MALRD1: variants seen among roughly 807,000 people sequenced by gnomAD.
MALRD1 encodes the protein MAM and LDL receptor class A domain containing 1, also known as MAM and LDL-receptor class A domain-containing protein 1.
In MALRD1, 247 loss-of-function variants were observed where a neutral mutation model predicts 242.1. That is an observed-to-expected ratio of 1.02 (90% CI 0.92 to 1.13). The LOEUF (loss-of-function observed/expected upper bound fraction) is 1.13. Among genes scored for constraint, MALRD1 ranks in the 50% most tolerant of loss-of-function variants. The pLI is 0.00. For synonymous variants in MALRD1, 995 were observed against 866.6 expected, an observed-to-expected ratio of 1.15 and a Z score of -2.60; for missense variants, 2,989 against 2,533.1, an observed-to-expected ratio of 1.18 and a Z score of -3.86.
intron 38 of MALRD1, among the ~76,000 whole-genome samples, chr10:19,695,854 A>G (rs921915724): frequency 6.6e-6 from 1 of 152,064 alleles, no homozygotes; most frequent in Non-Finnish European, 1.5e-5. Flanking sequence ...GCAGCAGGCA[A>G]GAGAGCTTGT....
chr10:19,380,277 C>CTTTT (rs11449066), intron 26 of MALRD1, among the ~76,000 whole-genome samples: 5 of 140,680 alleles, frequency 3.6e-5, no homozygotes, highest in African/African-American at 1.3e-4. Context: ...GGCCAGCCTT[C>CTTTT]TTTTTTTTTT....
intron 36 of MALRD1, among the ~76,000 whole-genome samples, chr10:19,621,351 T>TTAA (rs374026508): frequency 3.3e-5 from 4 of 121,874 alleles, no homozygotes; most frequent in Admixed American, 8.5e-5. Context: ...TAAAAATATG[T>TTAA]AAAAAAAAAA....
intron 7 of MALRD1, among the ~76,000 whole-genome samples, chr10:19,126,908 C>G (rs1837301583): frequency 6.6e-6 from 1 of 152,048 alleles, no homozygotes; most frequent in African/African-American, 2.4e-5. Context: ...AATGATCTCC[C>G]TCCCCTCACC....
At chr10:19,063,145 C>T (rs936058827) in intron 1 of MALRD1, among the ~76,000 whole-genome samples, 1 of 151,536 alleles carries the variant, frequency 6.6e-6, no homozygotes, top group Non-Finnish European at 1.5e-5. Context: ...GACCCTGTCC[C>T]CCCCCCAAAA....
chr10:19,622,667 A>T (rs187244266), intron 36 of MALRD1, among the ~76,000 whole-genome samples: 4 of 150,732 alleles, frequency 2.7e-5, no homozygotes, highest in Non-Finnish European at 1.5e-5. Context: ...AAAACAAACT[A>T]TGAGAATCTG....
rs533743965 is a variant in MALRD1 at position 19,217,787 on chromosome 10, G to A, written c.2991+8107G>A. Among the ~76,000 whole-genome samples the A allele has an allele frequency of 2.7e-3, 417 of 152,118 alleles. 3 individuals carry two copies. The highest frequency in any genetic ancestry group is 9.6e-3 in the African/African-American group (400 of 41,546). On this transcript the variant is annotated intron_variant, in intron 18 of 39. Coordinates refer to ENST00000454679, the MANE Select transcript of MALRD1 (RefSeq NM_001142308.3). Reference sequence around the variant, plus strand: ...GATCTGCCCACGTTGGCCTCCCAAAGTGCTGGGATTACAGGCATGAGCCAC... The same window carrying A: ...GATCTGCCCACGTTGGCCTCCCAAAATGCTGGGATTACAGGCATGAGCCAC...
intron 36 of MALRD1, among the ~76,000 whole-genome samples, chr10:19,687,977 TGTTA>T (rs1381932813): frequency 3.7e-5 from 5 of 135,218 alleles, no homozygotes; most frequent in Admixed American, 7.6e-5. Context: ...TGTTATGTTA[TGTTA>T]TTTTTGGAGA....
chr10:19,301,786 A>G (rs549921730), intron 21 of MALRD1, among the ~76,000 whole-genome samples: 107 of 151,910 alleles, frequency 7.0e-4, no homozygotes, highest in South Asian at 4.1e-3. Context: ...TGATGACAAA[A>G]TAATTTGTAC....
At chr10:19,589,009 C>T (rs1837607860) in intron 33 of MALRD1, among the ~76,000 whole-genome samples, 1 of 152,180 alleles carries the variant, frequency 6.6e-6, no homozygotes, top group African/African-American at 2.4e-5. Context: ...GTGCTTGTCA[C>T]ATTACTTGCA....
At chr10:19,695,358 T>A (rs886429387) in intron 38 of MALRD1, among the ~76,000 whole-genome samples, 3 of 152,138 alleles carry the variant, frequency 2.0e-5, no homozygotes, top group Admixed American at 6.6e-5. Context: ...TTTCTTTGCT[T>A]ACGCAGTGTA....
At chr10:19,155,562 T>C (rs1387943554) in intron 12 of MALRD1, among the ~76,000 whole-genome samples, 1 of 152,208 alleles carries the variant, frequency 6.6e-6, no homozygotes, top group Non-Finnish European at 1.5e-5. Flanking sequence ...TTGAGTTTTT[T>C]AAATGAGTCC....
intron 28 of MALRD1, among the ~76,000 whole-genome samples, chr10:19,393,065 A>G: frequency 6.6e-6 from 1 of 152,200 alleles, no homozygotes; most frequent in East Asian, 1.9e-4. Flanking sequence ...GAACTCAGGT[A>G]TTCTGAAATT....
intron 36 of MALRD1, among the ~76,000 whole-genome samples, chr10:19,659,992 CT>C (rs1385080860): frequency 6.6e-6 from 1 of 152,132 alleles, no homozygotes; most frequent in Non-Finnish European, 1.5e-5. Context: ...TTTACAGTGC[CT>C]TTAGCTGTAA....
At chr10:19,194,460 T>A (rs1836141711) in intron 14 of MALRD1, among the ~76,000 whole-genome samples, 1 of 152,196 alleles carries the variant, frequency 6.6e-6, no homozygotes, top group Non-Finnish European at 1.5e-5. Context: ...CAGGCAGCCT[T>A]GATTTCTTCA....
intron 4 of MALRD1, 129 bp from the exon 5 acceptor site, chr10:19,103,850 G>T (rs1836368514): frequency 2.3e-6 from 1 of 440,228 alleles, no homozygotes; most frequent in Non-Finnish European, 3.8e-6. Context: ...CCTGGAATTG[G>T]CATGGTCACC....
In MALRD1 at chr10:19,526,528, A is replaced by G. The variant is rs931955370; in HGVS notation, c.5321-4666A>G. On this transcript the variant is annotated intron_variant, in intron 31 of 39. Transcript: ENST00000454679. ...TTTGCTTTCTTAAATTTTAAAATGGATACCTTGGCATGCATTAATACTTTG... is the reference window on the plus strand; with the variant it reads ...TTTGCTTTCTTAAATTTTAAAATGGGTACCTTGGCATGCATTAATACTTTG... Among the ~76,000 whole-genome samples the G allele has an allele frequency of 5.0e-4, 76 of 152,116 alleles. 2 individuals are homozygous for G. The highest frequency in any genetic ancestry group is 2.1e-4 in the South Asian group (1 of 4,828).
chr10:19,341,452 G>GTATATATA (rs1175268285), intron 24 of MALRD1, among the ~76,000 whole-genome samples: 2 of 126,220 alleles, frequency 1.6e-5, no homozygotes, highest in African/African-American at 5.8e-5. Flanking sequence ...ATATATATAT[G>GTATATATA]TGTATATATA....
At chr10:19,603,754 A>G (rs1351348109) in intron 34 of MALRD1, among the ~76,000 whole-genome samples, 1 of 152,138 alleles carries the variant, frequency 6.6e-6, no homozygotes, top group Non-Finnish European at 1.5e-5. Context: ...TTCTCACAAT[A>G]TTTCAAACTT....
intron 25 of MALRD1, among the ~76,000 whole-genome samples, chr10:19,349,559 C>T (rs1053144005): frequency 6.6e-6 from 1 of 152,126 alleles, no homozygotes. Flanking sequence ...GTAAATCATA[C>T]AAATCTATTT....
Sources: allele counts gnomAD v4.1 joint callset (sites outside exome capture counted in the v4.1 genomes callset), GRCh38; gene constraint gnomAD v4.1.1; transcripts MANE v1.5; gene names NCBI Gene and HGNC (gene_info 2026-07-23, HGNC 2026-07-21).